PRKD1: variants seen among roughly 807,000 people sequenced by gnomAD.
The protein encoded by PRKD1 is serine/threonine-protein kinase D1.
Under a neutral mutation model 95.9 loss-of-function variants are expected in PRKD1, and 63 were observed. The ratio of observed to expected loss-of-function variants is 0.66; its 90% CI spans 0.54 to 0.81. The LOEUF is 0.81. Ranked by LOEUF, PRKD1 falls within the 30% of genes least tolerant of loss-of-function variation. The probability of loss-of-function intolerance (pLI) is 0.00; values close to 1 mark genes in which losing one functional copy is unlikely to be tolerated. For synonymous variants in PRKD1, 425 were observed against 423.1 expected, an observed-to-expected ratio of 1.00 and a Z score of -0.05; for missense variants, 1,048 against 1,165.3, an observed-to-expected ratio of 0.90 and a Z score of 1.47.
At chr14:29,747,263 A>G (rs1379350078) in intron 1 of PRKD1, among the ~76,000 whole-genome samples, 1 of 152,214 alleles carries the variant, frequency 6.6e-6, no homozygotes, top group Non-Finnish European at 1.5e-5. Context: ...CAGTGCTAGG[A>G]TGGCTCTAAC....
chr14:29,655,986 G>T (rs755127987), intron 4 of PRKD1, among the ~76,000 whole-genome samples: 1 of 151,146 alleles, frequency 6.6e-6, no homozygotes, highest in Non-Finnish European at 1.5e-5. Flanking sequence ...CTGTAAACAA[G>T]CAGTTACAGC....
chr14:29,916,824 C>T (rs1285339358), intron 1 of PRKD1, among the ~76,000 whole-genome samples: 2 of 152,144 alleles, frequency 1.3e-5, no homozygotes, highest in Admixed American at 1.3e-4. Context: ...CTCTTTTTCC[C>T]GTGGCAAAGA....
intron 2 of PRKD1, among the ~76,000 whole-genome samples, chr14:29,720,143 A>G (rs1432936671): frequency 6.6e-6 from 1 of 152,192 alleles, no homozygotes; most frequent in Non-Finnish European, 1.5e-5. Context: ...AATAGTTTAC[A>G]TTTATTGTGG....
chr14:29,670,426 A>AAGCAGAGAACAGGATAAAAGAGTGAAC (rs1252324457), intron 2 of PRKD1, among the ~76,000 whole-genome samples: 4 of 152,218 alleles, frequency 2.6e-5, no homozygotes, highest in Non-Finnish European at 5.9e-5. Flanking sequence ...GTATTTTGAA[A>AAGCAGAGAACAGGATAAAAGAGTGAAC]AGCAGAGAAC....
At chr14:29,709,490 A>C (rs1425588630) in intron 2 of PRKD1, among the ~76,000 whole-genome samples, 1 of 152,212 alleles carries the variant, frequency 6.6e-6, no homozygotes, top group Non-Finnish European at 1.5e-5. Flanking sequence ...CGGTTGTTAT[A>C]TTAGGATTCT....
intron 1 of PRKD1, among the ~76,000 whole-genome samples, chr14:29,762,754 A>G (rs540001344): frequency 8.2e-6 from 1 of 122,274 alleles, no homozygotes; most frequent in African/African-American, 3.0e-5. Flanking sequence ...ATTACTATCT[A>G]TACTAAGGTA....
intron 1 of PRKD1, among the ~76,000 whole-genome samples, chr14:29,829,559 G>C (rs1173433659): frequency 6.6e-6 from 1 of 152,048 alleles, no homozygotes; most frequent in Non-Finnish European, 1.5e-5. Context: ...GGAAGAAAAG[G>C]TTTCTTTGCA....
chr14:29,577,751 T>C (rs1892608485), intron 17 of PRKD1, among the ~76,000 whole-genome samples: 2 of 152,180 alleles, frequency 1.3e-5, no homozygotes, highest in South Asian at 2.1e-4. Context: ...TGCCTACAAA[T>C]AATCTTTCAG....
chr14:29,802,353 A>C (rs1162592561), intron 1 of PRKD1, among the ~76,000 whole-genome samples: 4 of 152,340 alleles, frequency 2.6e-5, no homozygotes, highest in African/African-American at 9.6e-5. Context: ...CAATTTAATA[A>C]TTCTTGTGTA....
intron 1 of PRKD1, among the ~76,000 whole-genome samples, chr14:29,803,574 G>A (rs1484292996): frequency 1.3e-5 from 2 of 152,136 alleles, no homozygotes; most frequent in African/African-American, 4.8e-5. Context: ...TGGAAACACA[G>A]CTGTTTTAAT....
intron 9 of PRKD1, 122 bp downstream of exon 9, chr14:29,632,747 G>T: frequency 1.2e-6 from 1 of 837,030 alleles, no homozygotes; most frequent in Non-Finnish European, 1.9e-6. Context: ...AAAAAAAATA[G>T]TTCCTGGAGG....
intron 1 of PRKD1, among the ~76,000 whole-genome samples, chr14:29,769,410 A>C (rs1453219444): frequency 6.6e-6 from 1 of 152,106 alleles, no homozygotes; most frequent in Non-Finnish European, 1.5e-5. Context: ...CTCCACAAAA[A>C]ATTAAAAAAT....
rs372793137 is a variant in PRKD1 at position 29,585,070 on chromosome 14, T to C, written c.2435-6710A>G. Among the ~76,000 whole-genome samples, 6 of 152,282 alleles carry C rather than the reference T, an allele frequency of 3.9e-5. No homozygotes were observed. In the East Asian group the frequency reaches 5.8e-4, roughly 15 times the overall value. On this transcript the variant is annotated intron_variant, in intron 16 of 17. Transcript: ENST00000331968. ...AGGCAAGTGTTTTCTCTTTTTTTTT[T>C]CCCTTTCAATTCTGCCTCACCACCT...
At chr14:29,621,127 G>GTGGGA (rs1287236416) in intron 13 of PRKD1, among the ~76,000 whole-genome samples, 1 of 146,546 alleles carries the variant, frequency 6.8e-6, no homozygotes, top group East Asian at 2.1e-4. Context: ...TCACTCATAG[G>GTGGGA]TGGGAATTGA....
At chr14:29,656,124 AT>A (rs932309965) in intron 4 of PRKD1, among the ~76,000 whole-genome samples, 3 of 152,178 alleles carry the variant, frequency 2.0e-5, no homozygotes, top group Non-Finnish European at 4.4e-5. Context: ...GGGCTGATGT[AT>A]TCTTCATTCT....
chr14:29,733,111 T>TA lies in PRKD1; in HGVS notation c.265-7438_265-7437insT, dbSNP rs200758636. 6.5e-3 allele frequency among the ~76,000 whole-genome samples: 970 copies of TA among 150,376 alleles called. 7 individuals are homozygous for TA. Among genetic ancestry groups the TA allele is most frequent in the Middle Eastern group, 0.02 (6 of 294 alleles). Reference sequence around the variant, plus strand: ...TTTTTTTAATTTTTATTTATTTATTTTTTTTTTTTGAGATGGAGTCTCGCT... The same window carrying TA: ...TTTTTTTAATTTTTATTTATTTATTTATTTTTTTTTGAGATGGAGTCTCGCT... On this transcript the variant is annotated intron_variant, in intron 1 of 17. Coordinates refer to ENST00000331968, the MANE Select transcript of PRKD1 (RefSeq NM_002742.3).
At chr14:29,591,212 T>C (rs1566471419) in intron 16 of PRKD1, 1 of 152,196 alleles carries the variant, frequency 6.6e-6, no homozygotes, top group Non-Finnish European at 1.5e-5. Flanking sequence ...AAAAAGATAC[T>C]TGTGCTTCTT....
chr14:29,738,251 G>A (rs1017889993), intron 1 of PRKD1, among the ~76,000 whole-genome samples: 21 of 152,142 alleles, frequency 1.4e-4, no homozygotes, highest in Admixed American at 1.2e-3. Flanking sequence ...TCTAGTTTCT[G>A]AATGTAATCT....
At chr14:29,595,583 A>G (rs7152206) in intron 16 of PRKD1, among the ~76,000 whole-genome samples, 4,557 of 152,210 alleles carry the variant, frequency 0.03, 253 homozygotes, top group African/African-American at 0.1. Context: ...GGTGTCTATT[A>G]CTAGTGATAA....
Sources: allele counts gnomAD v4.1 joint callset (sites outside exome capture counted in the v4.1 genomes callset), GRCh38; gene constraint gnomAD v4.1.1; transcripts MANE v1.5; gene names NCBI Gene and HGNC (gene_info 2026-07-23, HGNC 2026-07-21).